Variants in OR9Q1 observed in about 807,000 individuals in gnomAD.
The protein encoded by OR9Q1 is olfactory receptor 9Q1.
For missense variants in OR9Q1, 374 were observed against 378.8 expected (o/e 0.99, Z 0.11); for synonymous variants, 153 against 148.6 (o/e 1.03, Z -0.22).
intron 2 of OR9Q1, among the ~76,000 whole-genome samples, chr11:58,071,799 T>C (rs950360060): frequency 1.3e-5 from 2 of 152,202 alleles, no homozygotes; most frequent in Admixed American, 6.5e-5. Context: ...TAAACTACAA[T>C]CCAAAACAAA....
intron 2 of OR9Q1, among the ~76,000 whole-genome samples, chr11:58,115,797 T>G (rs1406162682): frequency 6.6e-6 from 1 of 152,168 alleles, no homozygotes; most frequent in African/African-American, 2.4e-5. Context: ...GAATACAGTT[T>G]AATAAAAATC....
chr11:58,120,074 C>T (rs778526056), intron 2 of OR9Q1, among the ~76,000 whole-genome samples: 32 of 152,130 alleles, frequency 2.1e-4, no homozygotes, highest in South Asian at 4.1e-4. Context: ...ATTGCCTAGT[C>T]GAATAGTATT....
At chr11:58,081,073 T>C (rs529268690) in intron 2 of OR9Q1, among the ~76,000 whole-genome samples, 15 of 152,080 alleles carry the variant, frequency 9.9e-5, no homozygotes, top group Admixed American at 9.8e-4. Context: ...TGGTGTTTGG[T>C]TTTCTGTCCT....
At chr11:58,106,270 AC>A (rs1219629755) in intron 2 of OR9Q1, among the ~76,000 whole-genome samples, 1 of 151,020 alleles carries the variant, frequency 6.6e-6, no homozygotes, top group Non-Finnish European at 1.5e-5. Flanking sequence ...CTTTTAATAT[AC>A]CTGTTGGCTG....
chr11:58,024,948 T>C (rs1852956690), intron 1 of OR9Q1, among the ~76,000 whole-genome samples: 1 of 152,168 alleles, frequency 6.6e-6, no homozygotes, highest in Non-Finnish European at 1.5e-5. Flanking sequence ...GAGGCTTTTT[T>C]TGTCAGAAGC....
At chr11:58,098,690 T>C (rs1030199608) in intron 2 of OR9Q1, among the ~76,000 whole-genome samples, 1 of 152,166 alleles carries the variant, frequency 6.6e-6, no homozygotes, top group African/African-American at 2.4e-5. Context: ...TGTTGAGGTA[T>C]AATTGACATT....
At chr11:58,031,208 G>T (rs1162429793) in intron 1 of OR9Q1, 1 of 1,614,162 alleles carries the variant, frequency 6.2e-7, no homozygotes, top group Non-Finnish European at 8.5e-7. Context: ...GATGCTGGCT[G>T]GTTTTATTGG....
At chr11:58,173,243 G>A (rs768589947) in intron 2 of OR9Q1, among the ~76,000 whole-genome samples, 13 of 150,530 alleles carry the variant, frequency 8.6e-5, no homozygotes, top group Non-Finnish European at 1.5e-4. Context: ...CCATTAACTC[G>A]TCATTTAGCA....
intron 2 of OR9Q1, among the ~76,000 whole-genome samples, chr11:58,153,801 A>G (rs1854377337): frequency 6.6e-6 from 1 of 152,164 alleles, no homozygotes; most frequent in Non-Finnish European, 1.5e-5. Context: ...TATAAATGTA[A>G]CAGAATATTA....
At position 58,162,435 on chromosome 11, in the gene OR9Q1, A is replaced by AG. The variant is rs1166093336; in HGVS notation, c.-14-16994dup. On this transcript the variant is annotated intron_variant, in intron 2 of 2. Transcript: ENST00000335397. Reference sequence around the variant, plus strand: ...ATGCTGCTAAAATTGTTTCAGAGCGAGGAATAGGAGGGAGCCTTGTATTGG... The same window carrying AG: ...ATGCTGCTAAAATTGTTTCAGAGCGAGGGAATAGGAGGGAGCCTTGTATTGG... 3.3e-5 allele frequency among the ~76,000 whole-genome samples: 5 copies of AG among 152,300 alleles called. 1 individual carries two copies. The highest frequency in any genetic ancestry group is 1.2e-4 in the African/African-American group (5 of 41,574).
At chr11:58,095,165 C>G (rs1220689256) in intron 2 of OR9Q1, among the ~76,000 whole-genome samples, 1 of 152,226 alleles carries the variant, frequency 6.6e-6, no homozygotes, top group Non-Finnish European at 1.5e-5. Context: ...AGATTTTCTA[C>G]AGCAGGGCTT....
chr11:58,175,105 C>A (rs1346051447), intron 2 of OR9Q1, among the ~76,000 whole-genome samples: 509 of 69,238 alleles, frequency 7.4e-3, no homozygotes, highest in South Asian at 9.1e-3. Context: ...GACTCTGTCT[C>A]AAAAAAAAAA....
chr11:58,039,826 A>C (rs1853142913), intron 1 of OR9Q1, among the ~76,000 whole-genome samples: 1 of 152,228 alleles, frequency 6.6e-6, no homozygotes, highest in South Asian at 2.1e-4. Context: ...GCTTAGAGCA[A>C]GTGTCCTGTA....
chr11:58,048,677 A>ATATATATATATATATATATAT (rs796426109), intron 1 of OR9Q1, among the ~76,000 whole-genome samples: 4 of 109,848 alleles, frequency 3.6e-5, no homozygotes, highest in African/African-American at 1.4e-4. Flanking sequence ...CTTAAAAAAA[A>ATATATATATATATATATATAT]AAATATATAT....
chr11:58,157,458 G>A (rs1184620708), intron 2 of OR9Q1, among the ~76,000 whole-genome samples: 1 of 152,168 alleles, frequency 6.6e-6, no homozygotes, highest in Non-Finnish European at 1.5e-5. Context: ...GAGGGCAAGA[G>A]CTGTGTCTCT....
intron 2 of OR9Q1, among the ~76,000 whole-genome samples, chr11:58,162,593 C>T (rs577606415): frequency 1.4e-4 from 22 of 152,210 alleles, no homozygotes; most frequent in Non-Finnish European, 4.4e-5. Context: ...GGAGTGAGAA[C>T]AATGTTCACT....
intron 2 of OR9Q1, among the ~76,000 whole-genome samples, chr11:58,147,227 GT>G (rs1426782161): frequency 2.0e-5 from 3 of 152,134 alleles, no homozygotes; most frequent in African/African-American, 7.2e-5. Context: ...AGGGAAATAT[GT>G]TTTTGGTGAT....
At chr11:58,048,679 A>AAAAAAATATATATATATAT (rs745596668) in intron 1 of OR9Q1, among the ~76,000 whole-genome samples, 1 of 131,396 alleles carries the variant, frequency 7.6e-6, no homozygotes, top group African/African-American at 2.8e-5. Flanking sequence ...TAAAAAAAAA[A>AAAAAAATATATATATATAT]ATATATATAT....
chr11:58,077,655 G>C (rs1300807899), intron 2 of OR9Q1: 2 of 152,166 alleles, frequency 1.3e-5, no homozygotes, highest in African/African-American at 4.8e-5. Flanking sequence ...GATGACCCTA[G>C]TGCCAGCTAT....
Sources: allele counts gnomAD v4.1 joint callset (sites outside exome capture counted in the v4.1 genomes callset), GRCh38; gene constraint gnomAD v4.1.1; transcripts MANE v1.5; gene names NCBI Gene and HGNC (gene_info 2026-07-23, HGNC 2026-07-21).